KIZ: variants seen among roughly 807,000 people sequenced by gnomAD.
KIZ encodes the protein centrosomal protein kizuna.
A neutral mutation model predicts 79.6 loss-of-function variants in KIZ; 68 were observed. The ratio of observed to expected loss-of-function variants is 0.85; its 90% CI spans 0.70 to 1.05. The LOEUF is 1.05. KIZ is among the 50% of genes least tolerant of loss of function. The probability of loss-of-function intolerance (pLI) is 0.00; values close to 1 mark genes in which losing one functional copy is unlikely to be tolerated. For synonymous variants in KIZ, 280 were observed against 281.8 expected (o/e 0.99, Z 0.06); for missense variants, 797 against 800.4 (o/e 1.00, Z 0.05).
chr20:21,226,663 G>A (rs2036665910), intron 9 of KIZ, among the ~76,000 whole-genome samples: 1 of 152,188 alleles, frequency 6.6e-6, no homozygotes, highest in Non-Finnish European at 1.5e-5. Flanking sequence ...ATTCCTCTGG[G>A]TGAATGCACT....
At chr20:21,136,939 C>T (rs1453981776) in intron 3 of KIZ, among the ~76,000 whole-genome samples, 1 of 152,188 alleles carries the variant, frequency 6.6e-6, no homozygotes, top group South Asian at 2.1e-4. Flanking sequence ...CTTGAAACTG[C>T]ATTTTCCAAG....
intron 3 of KIZ, among the ~76,000 whole-genome samples, chr20:21,138,749 G>A (rs144448495): frequency 2.0e-5 from 3 of 152,152 alleles, no homozygotes; most frequent in African/African-American, 7.2e-5. Context: ...GGAATATTGT[G>A]TTCCTTAGTA....
chr20:21,166,299 A>G (rs1050376487), intron 6 of KIZ: 2 of 1,602,742 alleles, frequency 1.2e-6, no homozygotes, highest in Non-Finnish European at 1.7e-6. Flanking sequence ...GTACAATGAA[A>G]CCAACTGGCA....
intron 2 of KIZ, among the ~76,000 whole-genome samples, chr20:21,133,941 C>T (rs1375542454): frequency 6.6e-6 from 1 of 152,222 alleles, no homozygotes; most frequent in Non-Finnish European, 1.5e-5. Context: ...CTGACCCCCA[C>T]TGGTAAGGGC....
At chr20:21,187,823 A>G (rs997415632) in intron 6 of KIZ, among the ~76,000 whole-genome samples, 1 of 152,238 alleles carries the variant, frequency 6.6e-6, no homozygotes, top group African/African-American at 2.4e-5. Context: ...TATAATGTCT[A>G]GTAAATTCTT....
chr20:21,177,065 G>A (rs2034467706), intron 6 of KIZ, among the ~76,000 whole-genome samples: 1 of 151,492 alleles, frequency 6.6e-6, no homozygotes, highest in South Asian at 2.1e-4. Flanking sequence ...ATGAACACTG[G>A]AGTGCTAATA....
In KIZ at chr20:21,236,214, G is replaced by A. The variant is rs532180085; in HGVS notation, c.1880+3384G>A. The stretch of plus-strand genomic sequence containing the variant: ...AAGTGGCATCTTCTGTAGGAACCCC[G>A]ATTAACCATCAGGGGGCGCTCAGAC... On this transcript the variant is annotated intron_variant, in intron 11 of 12. Transcript: ENST00000619189. Among the ~76,000 whole-genome samples the A allele has an allele frequency of 1.6e-4, 24 of 152,324 alleles. 1 individual carries two copies. In the East Asian group the frequency reaches 4.6e-3, roughly 29 times the overall value.
At position 21,222,101 on chromosome 20, in the gene KIZ, G is replaced by T. The variant is rs557485142; in HGVS notation, c.1678+6453G>T. Among the ~76,000 whole-genome samples the T allele has an allele frequency of 7.9e-5, 12 of 152,394 alleles. No homozygotes were observed. The South Asian group carries it at 1.4e-3, about 18-fold the overall frequency. On this transcript the variant is annotated intron_variant, in intron 9 of 12. Coordinates refer to ENST00000619189, the MANE Select transcript of KIZ (RefSeq NM_018474.6). The stretch of plus-strand genomic sequence containing the variant: ...AGCCTGCTGGGGCTTCACCCATGGA[G>T]CCTGCTGCCTGCTACTTGCGGTAGC...
chr20:21,205,612 C>T (rs754017689), intron 7 of KIZ, 28 bp downstream of exon 7: 5 of 991,638 alleles, frequency 5.0e-6, no homozygotes, highest in East Asian at 5.3e-5. Context: ...CTGAAGTTTT[C>T]CCAATCACAA....
intron 9 of KIZ, 89 bp downstream of exon 9, chr20:21,215,737 C>A: frequency 1.3e-6 from 1 of 744,878 alleles, no homozygotes; most frequent in Non-Finnish European, 2.3e-6. Context: ...TTGTGGACCC[C>A]ACTAAGAGCA....
intron 6 of KIZ, among the ~76,000 whole-genome samples, chr20:21,199,113 C>T (rs6137286): frequency 0.36 from 55,274 of 151,966 alleles, 10,467 homozygotes; most frequent in African/African-American, 0.47. Context: ...CTAAATGATT[C>T]ATTTTGTGAC....
chr20:21,221,351 A>G (rs2036496382), intron 9 of KIZ, among the ~76,000 whole-genome samples: 1 of 152,166 alleles, frequency 6.6e-6, no homozygotes, highest in Non-Finnish European at 1.5e-5. Context: ...AAAAATGGGG[A>G]TATTAAGGAA....
chr20:21,128,977 C>A (rs1490378360), intron 1 of KIZ, among the ~76,000 whole-genome samples: 10 of 152,068 alleles, frequency 6.6e-5, no homozygotes, highest in Non-Finnish European at 1.5e-4. Flanking sequence ...ACTGAAAGGT[C>A]CAAGTGAGGG....
At chr20:21,234,084 T>C (rs532491891) in intron 11 of KIZ, among the ~76,000 whole-genome samples, 2 of 152,312 alleles carry the variant, frequency 1.3e-5, no homozygotes, top group African/African-American at 2.4e-5. Context: ...CTTAATAATA[T>C]ATAGAGGCAC....
intron 6 of KIZ, among the ~76,000 whole-genome samples, chr20:21,167,945 AGTTTT>A (rs1375506115): frequency 6.6e-6 from 1 of 152,136 alleles, no homozygotes; most frequent in African/African-American, 2.4e-5. Flanking sequence ...TTATACTTTA[AGTTTT>A]AGGGTACATG....
At chr20:21,235,969 A>G (rs1475279571) in intron 11 of KIZ, among the ~76,000 whole-genome samples, 1 of 152,230 alleles carries the variant, frequency 6.6e-6, no homozygotes, top group Non-Finnish European at 1.5e-5. Flanking sequence ...AATAAAAATG[A>G]GTTTTTCCTG....
At chr20:21,236,295 G>A (rs1361842032) in intron 11 of KIZ, among the ~76,000 whole-genome samples, 2 of 152,200 alleles carry the variant, frequency 1.3e-5, no homozygotes, top group Non-Finnish European at 2.9e-5. Context: ...ACAGAGATTT[G>A]TTGGCATAGT....
chr20:21,191,569 T>G (rs531170327), intron 6 of KIZ, among the ~76,000 whole-genome samples: 1 of 152,218 alleles, frequency 6.6e-6, no homozygotes, highest in South Asian at 2.1e-4. Context: ...TTTTTTAACT[T>G]TGGAAAATTT....
chr20:21,153,080 A>G (rs571727789), intron 4 of KIZ, among the ~76,000 whole-genome samples: 14 of 152,210 alleles, frequency 9.2e-5, no homozygotes, highest in Non-Finnish European at 1.3e-4. Context: ...CTCTGTGAAC[A>G]TGGACAAGTT....
Sources: allele counts gnomAD v4.1 joint callset (sites outside exome capture counted in the v4.1 genomes callset), GRCh38; gene constraint gnomAD v4.1.1; transcripts MANE v1.5; gene names NCBI Gene and HGNC (gene_info 2026-07-23, HGNC 2026-07-21).